SYTL5: variants seen among roughly 807,000 people sequenced by gnomAD.
SYTL5 encodes synaptotagmin like 5.
In SYTL5, 34 loss-of-function variants were observed where a neutral mutation model predicts 55.9. That is an observed-to-expected ratio of 0.61 (90% CI 0.46 to 0.81). The LOEUF (loss-of-function observed/expected upper bound fraction) is 0.81, where lower values mean the gene tolerates loss of function less well. Ranked by LOEUF, SYTL5 falls within the 30% of genes least tolerant of loss-of-function variation. The pLI, the probability that SYTL5 is intolerant of heterozygous loss-of-function variation, is 0.00. For synonymous variants in SYTL5, 221 were observed against 188.7 expected (o/e 1.17, Z -1.40); for missense variants, 637 against 546.7 (o/e 1.17, Z -1.65).
chrX:38,109,592 G>A (rs1182073028), intron 12 of SYTL5, among the ~76,000 whole-genome samples: 2 of 109,800 alleles, frequency 1.8e-5, no homozygotes, highest in African/African-American at 6.6e-5. Context: ...CACAGTGAGA[G>A]GGTAAATTTA....
rs769522541 is a variant in SYTL5, at chrX:38,089,457, G to C, written c.701G>C (p.Gly234Ala). 3.2e-5 allele frequency: 38 copies of C among 1,205,908 alleles called. 1 individual carries two copies. The South Asian group carries it at 6.8e-4, about 22-fold the overall frequency. Reference protein sequence around the residue: ...SPPGSDRGSTGSSDLNDQEPG... With the variant: ...SPPGSDRGSTASSDLNDQEPG... ...GCTTTCTCATTTAGGGGAAGCACTG[G>C]CTCATCAGATCTCAATGACCAGGAA... Residue 234 changes from glycine (G) to alanine (A), a missense_variant, in exon 7 of 17, where the codon GGC becomes GCC. Physicochemically the swap from Gly to Ala is moderately conservative, Grantham distance 60. Transcript: ENST00000297875.
chrX:38,031,484 C>T (rs1343286965), intron 1 of SYTL5, among the ~76,000 whole-genome samples: 1 of 111,611 alleles, frequency 9.0e-6, no homozygotes, highest in Non-Finnish European at 1.9e-5. Flanking sequence ...TATTTATAGC[C>T]CAAGGCAGGG....
intron 10 of SYTL5, among the ~76,000 whole-genome samples, chrX:38,106,166 T>A (rs779847178): frequency 8.9e-6 from 1 of 111,929 alleles, no homozygotes; most frequent in African/African-American, 3.3e-5. Context: ...GCACAGAATA[T>A]GAGATAAGCT....
At chrX:38,003,173 G>A (rs1468815222), upstream of SYTL5, among the ~76,000 whole-genome samples, 2 of 111,627 alleles carry the variant, frequency 1.8e-5, no homozygotes, top group East Asian at 5.6e-4. Flanking sequence ...AGATCAGATA[G>A]TTGTAGATAT....
At chrX:37,978,754 A>G in the SYTL5 span, among the ~76,000 whole-genome samples, 1 of 111,436 alleles carries the variant, frequency 9.0e-6, no homozygotes, top group East Asian at 2.8e-4. Context: ...AAATATGAGA[A>G]CAAAATAACC....
At chrX:37,924,710 A>T in the SYTL5 span, among the ~76,000 whole-genome samples, 2 of 110,793 alleles carry the variant, frequency 1.8e-5, no homozygotes, top group Non-Finnish European at 3.8e-5. Context: ...TATTGTTTCT[A>T]TTAATTTTTG....
intron 1 of SYTL5, among the ~76,000 whole-genome samples, chrX:38,030,989 G>GC (rs1354374022): frequency 9.9e-5 from 11 of 110,884 alleles, no homozygotes; most frequent in African/African-American, 3.6e-4. Flanking sequence ...TTTTGTTTTT[G>GC]TTTTTTTTAG....
intron 7 of SYTL5, among the ~76,000 whole-genome samples, chrX:38,093,755 T>C (rs1936854122): frequency 9.0e-6 from 1 of 110,900 alleles, no homozygotes; most frequent in Non-Finnish European, 1.9e-5. Flanking sequence ...GTAAGTACCA[T>C]GCATGAAAGT....
At chrX:38,006,734 G>T (rs187001036) in intron 1 of SYTL5, 66 bp downstream of exon 1, 2 of 111,425 alleles carry the variant, frequency 1.8e-5, no homozygotes, top group Non-Finnish European at 3.8e-5. Flanking sequence ...TATTTTGTGT[G>T]TGGTAGGGGA....
chrX:37,961,621 G>A, the SYTL5 span, among the ~76,000 whole-genome samples: 2 of 111,656 alleles, frequency 1.8e-5, no homozygotes, highest in South Asian at 7.4e-4. Context: ...CACCAAAAGA[G>A]TATTATTCTT....
intron 3 of SYTL5, among the ~76,000 whole-genome samples, chrX:38,058,661 A>G (rs1431766820): frequency 9.0e-6 from 1 of 111,243 alleles, no homozygotes; most frequent in East Asian, 2.8e-4. Flanking sequence ...TTTATTAGGA[A>G]ATCAGCTATC....
the SYTL5 span, among the ~76,000 whole-genome samples, chrX:37,936,653 G>A: frequency 4.5e-5 from 5 of 111,681 alleles, no homozygotes; most frequent in African/African-American, 1.6e-4. Flanking sequence ...AGGAAGCTGA[G>A]GCTTCCTTCA....
chrX:37,960,764 A>ATTTT, the SYTL5 span, among the ~76,000 whole-genome samples: 3 of 81,744 alleles, frequency 3.7e-5, no homozygotes, highest in African/African-American at 1.4e-4. Flanking sequence ...CCTCCAGATT[A>ATTTT]TTTTTATTTA....
chrX:38,071,855 C>A (rs765332874), intron 3 of SYTL5, among the ~76,000 whole-genome samples, 192 bp from the exon 4 acceptor site: 2 of 111,806 alleles, frequency 1.8e-5, no homozygotes, highest in East Asian at 5.6e-4. Context: ...AAGTATGAAC[C>A]GTAATTAGCA....
chrX:37,992,446 C>T, the SYTL5 span, among the ~76,000 whole-genome samples: 1 of 113,041 alleles, frequency 8.8e-6, no homozygotes, highest in African/African-American at 3.2e-5. Context: ...GATCCCAGTT[C>T]ACCACTTCCT....
the SYTL5 span, among the ~76,000 whole-genome samples, chrX:37,899,336 G>C: frequency 9.0e-6 from 1 of 111,371 alleles, no homozygotes; most frequent in African/African-American, 3.3e-5. Context: ...GATTAGCTGA[G>C]CTAATGAGGC....
At chrX:38,028,433 A>T (rs1934847385) in intron 1 of SYTL5, among the ~76,000 whole-genome samples, 1 of 112,478 alleles carries the variant, frequency 8.9e-6, no homozygotes, top group African/African-American at 3.2e-5. Flanking sequence ...AATACTCACA[A>T]ATAGGTTCCA....
intron 1 of SYTL5, among the ~76,000 whole-genome samples, chrX:38,026,658 T>C (rs1296880439): frequency 8.9e-6 from 1 of 111,852 alleles, no homozygotes; most frequent in Non-Finnish European, 1.9e-5. Context: ...TCATACAGGG[T>C]AACTTTCTAA....
intron 6 of SYTL5, among the ~76,000 whole-genome samples, chrX:38,082,924 A>G (rs1198429669): frequency 8.9e-6 from 1 of 112,492 alleles, no homozygotes; most frequent in African/African-American, 3.2e-5. Context: ...TTGGACCAGG[A>G]TGTAGATGGC....
Sources: allele counts gnomAD v4.1 joint callset (sites outside exome capture counted in the v4.1 genomes callset), GRCh38; gene constraint gnomAD v4.1.1; transcripts MANE v1.5; gene names NCBI Gene and HGNC (gene_info 2026-07-23, HGNC 2026-07-21).